RYK: variants seen among roughly 807,000 people sequenced by gnomAD.
The protein encoded by RYK is inactive tyrosine-protein kinase RYK.
A neutral mutation model predicts 70.2 loss-of-function variants in RYK; 21 were observed. That is an observed-to-expected ratio of 0.30 (90% CI 0.21 to 0.43). The LOEUF (loss-of-function observed/expected upper bound fraction) is 0.43, where lower values mean the gene tolerates loss of function less well. Among genes scored for constraint, RYK ranks in the 20% least tolerant of loss-of-function variants. RYK has a pLI of 1.00. For synonymous variants in RYK, 267 were observed against 278.0 expected, an observed-to-expected ratio of 0.96 and a Z score of 0.39; for missense variants, 604 against 753.3, an observed-to-expected ratio of 0.80 and a Z score of 2.32.
rs1471998052 is a variant in RYK at position 134,191,978 on chromosome 3, A to G, written c.890-4T>C. ...TCTATCCGCAAGGTAGGATAACCTA[A>G]GGAGCCAACAAAGCCAAACCAAGCA... On this transcript the variant is annotated splice_polypyrimidine_tract_variant and splice_region_variant and intron_variant, in intron 7 of 14. Transcript: ENST00000623711. The G allele has an allele frequency of 6.2e-7, 1 of 1,612,766 alleles. No homozygotes were observed. The highest frequency in any genetic ancestry group is 2.2e-5 in the East Asian group (1 of 44,834).
At chr3:134,210,479 A>G (rs2014356063) in intron 3 of RYK, among the ~76,000 whole-genome samples, 1 of 152,214 alleles carries the variant, frequency 6.6e-6, no homozygotes, top group Non-Finnish European at 1.5e-5. Flanking sequence ...CATTAAAGAT[A>G]TGGGCATTTC....
intron 13 of RYK, among the ~76,000 whole-genome samples, chr3:134,160,721 G>A (rs968500091): frequency 1.3e-5 from 2 of 152,182 alleles, no homozygotes; most frequent in Non-Finnish European, 2.9e-5. Flanking sequence ...TGGGCATGGT[G>A]GCGCATGCCT....
chr3:134,167,907 A>T (rs1282239121), intron 13 of RYK, among the ~76,000 whole-genome samples: 3 of 152,178 alleles, frequency 2.0e-5, no homozygotes, highest in Non-Finnish European at 2.9e-5. Context: ...GAATCTACAA[A>T]GAACTCAAAC....
At chr3:134,175,283 C>T (rs2013057656) in intron 13 of RYK, among the ~76,000 whole-genome samples, 1 of 150,642 alleles carries the variant, frequency 6.6e-6, no homozygotes, top group Admixed American at 6.6e-5. Flanking sequence ...GCAGAGGTTG[C>T]AGTGAGCCAG....
intron 9 of RYK, among the ~76,000 whole-genome samples, chr3:134,187,915 C>T (rs1163671427): frequency 1.3e-5 from 2 of 151,838 alleles, no homozygotes; most frequent in Non-Finnish European, 2.9e-5. Flanking sequence ...AATTAAAATT[C>T]TAGTATTTTT....
At chr3:134,213,030 C>G (rs1171531247) in intron 2 of RYK, among the ~76,000 whole-genome samples, 1 of 152,162 alleles carries the variant, frequency 6.6e-6, no homozygotes, top group African/African-American at 2.4e-5. Flanking sequence ...CTTCGAGGTA[C>G]CTTGGCTAGG....
At chr3:134,192,047 T>C in intron 7 of RYK, 73 bp from the exon 8 acceptor site, 1 of 1,482,488 alleles carries the variant, frequency 6.7e-7, no homozygotes, top group Non-Finnish European at 9.2e-7. Flanking sequence ...CTAGTTCAGT[T>C]AGAACCTCAG....
intron 8 of RYK, among the ~76,000 whole-genome samples, chr3:134,190,530 CTTT>C (rs36020845): frequency 0.14 from 21,830 of 151,892 alleles, 1,910 homozygotes; most frequent in East Asian, 0.47. Flanking sequence ...TAGAAATTAT[CTTT>C]TTACTTTTTC....
chr3:134,162,020 G>A (rs979719489), intron 13 of RYK, among the ~76,000 whole-genome samples: 10 of 152,134 alleles, frequency 6.6e-5, no homozygotes, highest in Admixed American at 1.3e-4. Context: ...TGTGGTTGCC[G>A]GAAGCCCCTG....
At chr3:134,159,694 C>G (rs1278974329) in intron 13 of RYK, among the ~76,000 whole-genome samples, 1 of 152,100 alleles carries the variant, frequency 6.6e-6, no homozygotes, top group Non-Finnish European at 1.5e-5. Flanking sequence ...AATATTATAG[C>G]TAGTCTGCAT....
intron 1 of RYK, among the ~76,000 whole-genome samples, chr3:134,242,579 T>C (rs1306942805): frequency 2.0e-5 from 3 of 152,244 alleles, no homozygotes; most frequent in Non-Finnish European, 4.4e-5. Context: ...TTCTGTTTCA[T>C]GTACAAGTTT....
At chr3:134,220,055 C>A (rs1184970892) in intron 2 of RYK, among the ~76,000 whole-genome samples, 2 of 152,188 alleles carry the variant, frequency 1.3e-5, no homozygotes, top group East Asian at 3.9e-4. Flanking sequence ...GCACCTTGTG[C>A]ACTGGGAAGG....
intron 2 of RYK, among the ~76,000 whole-genome samples, chr3:134,222,071 C>T (rs570398661): frequency 6.6e-6 from 1 of 152,244 alleles, no homozygotes; most frequent in Admixed American, 6.5e-5. Context: ...TACCAATCTC[C>T]ACCCCTACAC....
At chr3:134,164,253 T>C (rs1255417504) in intron 13 of RYK, among the ~76,000 whole-genome samples, 1 of 152,226 alleles carries the variant, frequency 6.6e-6, no homozygotes, top group East Asian at 1.9e-4. Context: ...TTTCATTTAT[T>C]TTTATTGTAG....
In RYK at chr3:134,188,150, AATAT is replaced by A. The variant is rs56113636; in HGVS notation, c.1102+683_1102+686del. Among the ~76,000 whole-genome samples the A allele has an allele frequency of 7.5e-4, 103 of 136,644 alleles. 11 individuals carry two copies. Among genetic ancestry groups the A allele is most frequent in the Middle Eastern group, 7.6e-3 (2 of 264 alleles). The allele number at this position is 136,644 out of a possible 152,430, so 89.6% of individuals were successfully genotyped here. On this transcript the variant is annotated intron_variant, in intron 9 of 14. Transcript: ENST00000623711. ...GCTATCTTTTAGAGGACAATCTAAC[AATAT>A]ATATATATATATATTTTTTTTTTTT...
At position 134,215,104 on chromosome 3, in the gene RYK, A is replaced by G. The variant is rs1171913946; in HGVS notation, c.355-3497T>C. 2.0e-5 allele frequency among the ~76,000 whole-genome samples: 3 copies of G among 152,200 alleles called. No homozygotes were observed. In the South Asian group the frequency reaches 6.2e-4, roughly 32 times the overall value. ...AAGCCACACTTACTATTTCCCCAGAAACTTGCTGTCTCCTTTATTCTAGGT... is the reference window on the plus strand; with the variant it reads ...AAGCCACACTTACTATTTCCCCAGAGACTTGCTGTCTCCTTTATTCTAGGT... On this transcript the variant is annotated intron_variant, in intron 2 of 14. Coordinates refer to ENST00000623711, the MANE Select transcript of RYK (RefSeq NM_002958.4).
At chr3:134,209,389 T>C (rs2107678607) in intron 4 of RYK, among the ~76,000 whole-genome samples, 1 of 152,336 alleles carries the variant, frequency 6.6e-6, no homozygotes, top group South Asian at 2.1e-4. Flanking sequence ...ACATAGTTAC[T>C]CAGAAGTCCC....
At chr3:134,233,547 G>T (rs1347316267) in intron 1 of RYK, among the ~76,000 whole-genome samples, 1 of 152,098 alleles carries the variant, frequency 6.6e-6, no homozygotes, top group African/African-American at 2.4e-5. Flanking sequence ...CTGAAGAAAA[G>T]TAACAATATA....
chr3:134,202,617 C>T, intron 6 of RYK, 113 bp downstream of exon 6: 1 of 794,954 alleles, frequency 1.3e-6, no homozygotes, highest in Non-Finnish European at 1.9e-6. Context: ...TTGGCTGGGG[C>T]TTAATCATCC....
Sources: gnomAD v4.1 joint callset for allele counts (sites outside exome capture counted in the v4.1 genomes callset) on GRCh38, gnomAD v4.1.1 for gene constraint, MANE v1.5 for transcripts, NCBI Gene and HGNC (gene_info 2026-07-23, HGNC 2026-07-21) for gene names.